RALYL: variants seen among roughly 807,000 people sequenced by gnomAD.
RALYL encodes the protein RALY RNA binding protein like.
RALYL carries 29 observed loss-of-function variants against 35.1 expected under a neutral mutation model. The ratio of observed to expected loss-of-function variants is 0.83; its 90% CI spans 0.61 to 1.13. The LOEUF (loss-of-function observed/expected upper bound fraction) is 1.13. Among genes scored for constraint, RALYL ranks in the 50% most tolerant of loss-of-function variants. The probability of loss-of-function intolerance (pLI) is 0.00; values close to 1 mark genes in which losing one functional copy is unlikely to be tolerated. For missense variants in RALYL, 359 were observed against 360.4 expected (o/e 1.00, Z 0.03); for synonymous variants, 120 against 127.6 (o/e 0.94, Z 0.40).
intron 1 of RALYL, among the ~76,000 whole-genome samples, chr8:84,355,438 T>G (rs1046165347): frequency 6.6e-6 from 1 of 150,492 alleles, no homozygotes; most frequent in Non-Finnish European, 1.5e-5. Context: ...AAAGTGAGTT[T>G]GTATGTAGTT....
chr8:84,534,654 A>C (rs891480213), intron 2 of RALYL, among the ~76,000 whole-genome samples: 24 of 152,148 alleles, frequency 1.6e-4, no homozygotes, highest in African/African-American at 5.8e-4. Context: ...CCTCACATGG[A>C]AAAGAGCACC....
At chr8:84,312,299 G>A (rs1162518177) in intron 1 of RALYL, among the ~76,000 whole-genome samples, 1 of 152,044 alleles carries the variant, frequency 6.6e-6, no homozygotes, top group African/African-American at 2.4e-5. Context: ...ATTTAGGTGG[G>A]GACACAGAGC....
intron 1 of RALYL, among the ~76,000 whole-genome samples, chr8:84,440,577 C>G (rs544992320): frequency 2.6e-5 from 4 of 152,032 alleles, no homozygotes; most frequent in Non-Finnish European, 4.4e-5. Flanking sequence ...GTAATTTTAC[C>G]TTGGCAAGAA....
At chr8:84,841,809 G>A (rs1053169031) in intron 4 of RALYL, among the ~76,000 whole-genome samples, 31 of 152,222 alleles carry the variant, frequency 2.0e-4, no homozygotes, top group Non-Finnish European at 4.4e-4. Context: ...TCAGGATTAA[G>A]AAACTCACTC....
intron 1 of RALYL, among the ~76,000 whole-genome samples, chr8:84,522,866 T>C (rs1194931685): frequency 6.6e-6 from 1 of 152,138 alleles, no homozygotes; most frequent in Non-Finnish European, 1.5e-5. Flanking sequence ...CTTGATGTAT[T>C]ATTCCATTCT....
At chr8:84,762,682 G>A (rs1392639245) in intron 2 of RALYL, among the ~76,000 whole-genome samples, 1 of 152,118 alleles carries the variant, frequency 6.6e-6, no homozygotes, top group African/African-American at 2.4e-5. Flanking sequence ...ATTACCTTGT[G>A]CAAATAAGAC....
intron 2 of RALYL, among the ~76,000 whole-genome samples, chr8:84,544,406 A>G (rs1036465001): frequency 3.9e-5 from 6 of 151,988 alleles, no homozygotes; most frequent in African/African-American, 1.4e-4. Context: ...GATGTGTTAA[A>G]CATACTTTTA....
chr8:84,409,545 C>A (rs889393826), intron 1 of RALYL, among the ~76,000 whole-genome samples: 2 of 151,920 alleles, frequency 1.3e-5, no homozygotes, highest in Non-Finnish European at 2.9e-5. Context: ...AATATAATTG[C>A]ACTTTATAGA....
At chr8:84,494,954 G>A (rs1489071262) in intron 1 of RALYL, among the ~76,000 whole-genome samples, 1 of 152,110 alleles carries the variant, frequency 6.6e-6, no homozygotes, top group Non-Finnish European at 1.5e-5. Flanking sequence ...AGTGGCGAGA[G>A]AGGGCATCCT....
intron 3 of RALYL, among the ~76,000 whole-genome samples, chr8:84,783,733 A>T (rs866144552): frequency 4.6e-5 from 7 of 152,304 alleles, no homozygotes; most frequent in South Asian, 4.1e-4. Flanking sequence ...ATATGTATTT[A>T]AAAAAGAAGA....
At chr8:84,688,462 A>C (rs1837297251) in intron 2 of RALYL, among the ~76,000 whole-genome samples, 1 of 152,186 alleles carries the variant, frequency 6.6e-6, no homozygotes, top group Non-Finnish European at 1.5e-5. Flanking sequence ...CCAAGAACAC[A>C]CAATGGGGAA....
At chr8:84,883,338 C>A (rs562156833) in intron 7 of RALYL, among the ~76,000 whole-genome samples, 196 of 152,026 alleles carry the variant, frequency 1.3e-3, no homozygotes, top group African/African-American at 4.4e-3. Context: ...GTACTATATA[C>A]TGTATTAGTT....
intron 2 of RALYL, among the ~76,000 whole-genome samples, chr8:84,539,866 A>ATG (rs1564110595): frequency 6.2e-4 from 4 of 6,438 alleles, no homozygotes; most frequent in African/African-American, 1.7e-3. Context: ...ATATATATAT[A>ATG]TATATATATA....
intron 1 of RALYL, among the ~76,000 whole-genome samples, chr8:84,261,764 G>A (rs1832352906): frequency 6.6e-6 from 1 of 151,740 alleles, no homozygotes. Context: ...ATCAATGCAT[G>A]CAAATTTTAT....
Position 84,766,692 on chromosome 8 carries a change from C to A in RALYL, c.257-7887C>A, listed in dbSNP as rs1053765501. ...TGAGCTGAGATCGCGCCACTGCACT[C>A]CAGCCTGGCGACAGAGTGAGACTGT... On this transcript the variant is annotated intron_variant, in intron 2 of 8. Coordinates refer to ENST00000521268, the MANE Select transcript of RALYL (RefSeq NM_173848.7). 2.0e-4 allele frequency among the ~76,000 whole-genome samples: 28 copies of A among 138,826 alleles called. No individual in the cohort carries two copies. The Admixed American group carries it at 2.1e-3, about 10-fold the overall frequency. The allele number at this position is 138,826 out of a possible 152,430, so 91.1% of individuals were successfully genotyped here. A position where few individuals can be genotyped will look rare whatever the true frequency, so the allele number is the denominator to read the frequency against.
At chr8:84,246,668 C>T (rs1357220422) in intron 1 of RALYL, among the ~76,000 whole-genome samples, 12 of 152,116 alleles carry the variant, frequency 7.9e-5, no homozygotes. Flanking sequence ...GATCCTAAAG[C>T]AGAACTGGGC....
chr8:84,331,401 A>G (rs1241717995), intron 1 of RALYL, among the ~76,000 whole-genome samples: 2 of 152,168 alleles, frequency 1.3e-5, no homozygotes, highest in Admixed American at 6.6e-5. Flanking sequence ...TCAAATTACT[A>G]TAATAATCCT....
chr8:84,195,622 A>G (rs545540900), intron 1 of RALYL, among the ~76,000 whole-genome samples: 29 of 152,312 alleles, frequency 1.9e-4, no homozygotes, highest in Admixed American at 1.8e-3. Context: ...TGAACAAACT[A>G]GCATGCAATT....
intron 1 of RALYL, among the ~76,000 whole-genome samples, chr8:84,490,284 G>A (rs2055137134): frequency 6.6e-6 from 1 of 151,804 alleles, no homozygotes; most frequent in African/African-American, 2.4e-5. Context: ...TTACTGGGGC[G>A]ATTTCAGAGC....
Sources: gnomAD v4.1 joint callset for allele counts (sites outside exome capture counted in the v4.1 genomes callset) on GRCh38, gnomAD v4.1.1 for gene constraint, MANE v1.5 for transcripts, NCBI Gene and HGNC (gene_info 2026-07-23, HGNC 2026-07-21) for gene names.